SORCS3: variants seen among roughly 807,000 people sequenced by gnomAD.
SORCS3 encodes VPS10 domain-containing receptor SorCS3.
A neutral mutation model predicts 146.3 loss-of-function variants in SORCS3; 57 were observed. The observed-to-expected ratio is 0.39, with a 90% CI of 0.31 to 0.49. SORCS3 has a LOEUF of 0.49. Ranked by LOEUF, SORCS3 falls within the 20% of genes least tolerant of loss-of-function variation. The probability of loss-of-function intolerance (pLI) is 0.92; values close to 1 mark genes in which losing one functional copy is unlikely to be tolerated. For synonymous variants in SORCS3, 653 were observed against 618.5 expected (o/e 1.06, Z -0.83); for missense variants, 1,341 against 1,575.5 (o/e 0.85, Z 2.52).
At chr10:105,024,011 G>A (rs1163953178) in intron 4 of SORCS3, among the ~76,000 whole-genome samples, 2 of 152,114 alleles carry the variant, frequency 1.3e-5, no homozygotes, top group African/African-American at 2.4e-5. Context: ...GAAGGCACTG[G>A]CCCAAGGAGA....
At chr10:104,868,037 C>G (rs1174826098) in intron 2 of SORCS3, among the ~76,000 whole-genome samples, 1 of 152,164 alleles carries the variant, frequency 6.6e-6, no homozygotes, top group African/African-American at 2.4e-5. Flanking sequence ...CCCTGTGGTT[C>G]CTAGAAACAG....
Position 104,903,433 on chromosome 10 carries a change from C to A in SORCS3, c.696-12400C>A, listed in dbSNP as rs143090666. ...AAATTGTGCTGTAGATATATAAAAA[C>A]AATAGAAAACCAGAGAAAGGAAAGA... On this transcript the variant is annotated intron_variant, in intron 2 of 26. Coordinates refer to ENST00000369701, the MANE Select transcript of SORCS3 (RefSeq NM_014978.3). Among the ~76,000 whole-genome samples, 411 of 151,998 alleles carry A rather than the reference C, an allele frequency of 2.7e-3. 3 individuals are homozygous for A. The highest frequency in any genetic ancestry group is 9.0e-3 in the African/African-American group (374 of 41,398).
rs775625967 is a variant in SORCS3, at chr10:105,043,115, A to G, written c.1015A>G (p.Asn339Asp). 2 of 1,613,772 alleles carry G rather than the reference A, an allele frequency of 1.2e-6. No homozygotes were observed. Among genetic ancestry groups the G allele is most frequent in the Admixed American group, 1.7e-5 (1 of 60,006 alleles). Residue 339 changes from asparagine to aspartate, a missense_variant, in exon 5 of 27, where the codon AAC becomes GAC. By Grantham distance (23) the Asn-to-Asp change is conservative. Transcript: ENST00000369701. ...ACTCATGCATGAACGCATCACACCC[A>G]ACAGGTTTTATTGGTAAGCCCTATC... ...WQLMHERITP[N>D]RFYWSVAGLD...
intron 1 of SORCS3, among the ~76,000 whole-genome samples, chr10:104,774,429 G>A (rs2017286034): frequency 6.6e-6 from 1 of 152,156 alleles, no homozygotes; most frequent in African/African-American, 2.4e-5. Context: ...ATTTCCCCGG[G>A]GGAAAGGGGA....
At chr10:104,974,996 T>C (rs1345136782) in intron 3 of SORCS3, among the ~76,000 whole-genome samples, 1 of 152,192 alleles carries the variant, frequency 6.6e-6, no homozygotes, top group Non-Finnish European at 1.5e-5. Flanking sequence ...TTGAAAATTC[T>C]TTTCTTTAAG....
At chr10:104,925,650 A>G (rs996670632) in intron 3 of SORCS3, among the ~76,000 whole-genome samples, 6 of 152,038 alleles carry the variant, frequency 3.9e-5, no homozygotes, top group African/African-American at 1.4e-4. Flanking sequence ...TTAAATCTTG[A>G]ATGTTATTAT....
At chr10:104,746,416 G>C (rs988733841) in intron 1 of SORCS3, among the ~76,000 whole-genome samples, 1 of 152,220 alleles carries the variant, frequency 6.6e-6, no homozygotes, top group Admixed American at 6.5e-5. Context: ...GATTACAGGC[G>C]TGAGCCACCG....
chr10:104,748,388 A>G (rs894323784), intron 1 of SORCS3, among the ~76,000 whole-genome samples: 2 of 152,234 alleles, frequency 1.3e-5, no homozygotes, highest in Non-Finnish European at 2.9e-5. Context: ...TTATCAGTAT[A>G]TCAGTTCAGT....
chr10:104,930,906 T>A (rs1180804252), intron 3 of SORCS3, among the ~76,000 whole-genome samples: 1 of 152,204 alleles, frequency 6.6e-6, no homozygotes, highest in Non-Finnish European at 1.5e-5. Context: ...TGCAAATACT[T>A]AGTGAGTGAC....
At chr10:104,767,027 G>T (rs761569268) in intron 1 of SORCS3, among the ~76,000 whole-genome samples, 3 of 152,118 alleles carry the variant, frequency 2.0e-5, no homozygotes, top group Non-Finnish European at 2.9e-5. Flanking sequence ...ATGTTTCAGG[G>T]GTTAGAGGAA....
In SORCS3 at chr10:104,973,620, A is replaced by G. The variant is rs867984827; in HGVS notation, c.796-3715A>G. ...TATTAGTCTTGCTAGCGGTCTATCA[A>G]TTTTGTTGATCCTTTCAAAAAAACA... On this transcript the variant is annotated intron_variant, in intron 3 of 26. Transcript: ENST00000369701. Among the ~76,000 whole-genome samples, 1,325 of 149,386 alleles carry G rather than the reference A, an allele frequency of 8.9e-3. 21 individuals are homozygous for G. The highest frequency in any genetic ancestry group is 0.032 in the African/African-American group (1,279 of 39,538).
chr10:105,244,180 A>G (rs754788343), intron 20 of SORCS3, among the ~76,000 whole-genome samples: 1 of 152,136 alleles, frequency 6.6e-6, no homozygotes, highest in South Asian at 2.1e-4. Flanking sequence ...TAAGATGCCC[A>G]GTGAATAATG....
intron 1 of SORCS3, among the ~76,000 whole-genome samples, chr10:104,740,300 C>T (rs2016826325): frequency 6.6e-6 from 1 of 152,126 alleles, no homozygotes; most frequent in Admixed American, 6.5e-5. Context: ...AATTAATTTG[C>T]AGTTTTGTAT....
At chr10:104,702,434 C>A (rs1233511062) in intron 1 of SORCS3, among the ~76,000 whole-genome samples, 2 of 152,124 alleles carry the variant, frequency 1.3e-5, no homozygotes, top group African/African-American at 4.8e-5. Context: ...CAGGTACCTG[C>A]CCACCACCAT....
rs2055898023 is a variant in SORCS3, at chr10:105,116,972, C to T, written c.1212+11457C>T. Among the ~76,000 whole-genome samples the T allele has an allele frequency of 3.3e-5, 5 of 151,940 alleles. No individual in the cohort carries two copies. In the South Asian group the frequency reaches 1.0e-3, roughly 32 times the overall value. On this transcript the variant is annotated intron_variant, in intron 7 of 26. Coordinates refer to ENST00000369701, the MANE Select transcript of SORCS3 (RefSeq NM_014978.3). ...CCTGGGTGACAAAATAATCTGTACACCAAATACCCATGACATACAATATGC... is the reference window on the plus strand; with the variant it reads ...CCTGGGTGACAAAATAATCTGTACATCAAATACCCATGACATACAATATGC...
intron 5 of SORCS3, among the ~76,000 whole-genome samples, chr10:105,064,459 G>A (rs1299323411): frequency 6.6e-6 from 1 of 152,158 alleles, no homozygotes; most frequent in Admixed American, 6.5e-5. Context: ...GAGGTTGAAA[G>A]GTACCCCAAT....
chr10:104,672,837 C>A (rs1229992782), intron 1 of SORCS3, among the ~76,000 whole-genome samples: 2 of 151,952 alleles, frequency 1.3e-5, no homozygotes, highest in Non-Finnish European at 2.9e-5. Flanking sequence ...GTTGTTTTAT[C>A]CATTTTTTGA....
rs960496602 is a variant in SORCS3, at chr10:104,874,291, A to C, written c.695+31432A>C. Among the ~76,000 whole-genome samples, 4 of 152,172 alleles carry C rather than the reference A, an allele frequency of 2.6e-5. 1 individual carries two copies. The highest frequency in any genetic ancestry group is 5.9e-5 in the Non-Finnish European group (4 of 68,028). On this transcript the variant is annotated intron_variant, in intron 2 of 26. Coordinates refer to ENST00000369701, the MANE Select transcript of SORCS3 (RefSeq NM_014978.3). ...CATTTGGATCTGCCAATAAGAAGAC[A>C]TGTCCATTCCTCTGGGTTTCTCTTC...
chr10:105,045,438 A>T (rs1485814396), intron 5 of SORCS3, among the ~76,000 whole-genome samples: 3 of 152,176 alleles, frequency 2.0e-5, no homozygotes, highest in Non-Finnish European at 4.4e-5. Context: ...TTTTGTAATT[A>T]TCACTTCTCC....
Sources: gnomAD v4.1 joint callset for allele counts (sites outside exome capture counted in the v4.1 genomes callset) on GRCh38, gnomAD v4.1.1 for gene constraint, MANE v1.5 for transcripts, NCBI Gene and HGNC (gene_info 2026-07-23, HGNC 2026-07-21) for gene names.